PRKCB: variants seen among roughly 807,000 people sequenced by gnomAD.
The protein encoded by PRKCB is protein kinase C beta type.
PRKCB carries 13 observed loss-of-function variants against 81.5 expected under a neutral mutation model. The ratio of observed to expected loss-of-function variants is 0.16; its 90% confidence interval spans 0.10 to 0.25. The LOEUF (loss-of-function observed/expected upper bound fraction) is 0.25, where lower values mean the gene tolerates loss of function less well. Among genes scored for constraint, PRKCB ranks in the 10% least tolerant of loss-of-function variants. PRKCB has a pLI of 1.00. For missense variants in PRKCB, 509 were observed against 875.7 expected, an observed-to-expected ratio of 0.58 and a Z score of 5.29; for synonymous variants, 335 against 321.4, an observed-to-expected ratio of 1.04 and a Z score of -0.45.
intron 2 of PRKCB, among the ~76,000 whole-genome samples, chr16:23,986,337 C>G (rs1293230008): frequency 6.6e-6 from 1 of 152,030 alleles, no homozygotes; most frequent in Non-Finnish European, 1.5e-5. Flanking sequence ...CACTGCAGCC[C>G]CAACTTCCTG....
intron 3 of PRKCB, among the ~76,000 whole-genome samples, chr16:24,021,331 CTTCCTTCCTTCCTTCCTTCCTTCCTCCT>C (rs1363656375): frequency 1.2e-4 from 8 of 64,982 alleles, no homozygotes; most frequent in African/African-American, 5.3e-4. Flanking sequence ...TCCTTCCTTC[CTTCCTTCCTTCCTTCCTTCCTTCCTCCT>C]TCCCTCCCTC....
intron 7 of PRKCB, among the ~76,000 whole-genome samples, chr16:24,110,919 G>T (rs540992218): frequency 1.3e-5 from 2 of 152,256 alleles, no homozygotes; most frequent in East Asian, 1.9e-4. Flanking sequence ...AATAAAAAGT[G>T]TCCTTTAAAA....
intron 2 of PRKCB, among the ~76,000 whole-genome samples, chr16:23,969,670 GTCA>G (rs1195354750): frequency 2.0e-5 from 3 of 152,008 alleles, no homozygotes; most frequent in African/African-American, 4.8e-5. Flanking sequence ...TGCCATCATC[GTCA>G]TCATCATCAT....
At position 23,848,969 on chromosome 16, in the gene PRKCB, G is replaced by A. The variant is rs763704156; in HGVS notation, c.205+11563G>A. Among the ~76,000 whole-genome samples, 3 of 152,274 alleles carry A rather than the reference G, an allele frequency of 2.0e-5. No homozygotes were observed. In the East Asian group the frequency reaches 5.8e-4, roughly 29 times the overall value. On this transcript the variant is annotated intron_variant, in intron 2 of 16. Transcript: ENST00000643927. The stretch of plus-strand genomic sequence containing the variant: ...AATGCTCTTGAATCAAGGAGACGAC[G>A]CAAGAATGGATGTGCTTACATGTCG...
intron 2 of PRKCB, among the ~76,000 whole-genome samples, chr16:23,945,675 G>T (rs888341162): frequency 6.6e-6 from 1 of 152,066 alleles, no homozygotes; most frequent in African/African-American, 2.4e-5. Context: ...GGGAGGGAGA[G>T]AATCAGCAAT....
At chr16:23,928,939 G>A (rs138781740) in intron 2 of PRKCB, among the ~76,000 whole-genome samples, 5,134 of 151,966 alleles carry the variant, frequency 0.034, 169 homozygotes, top group Middle Eastern at 0.054. Flanking sequence ...GGCTGTTCCC[G>A]ACCTCCTGAC....
chr16:23,895,395 T>C (rs1221841968), intron 2 of PRKCB, among the ~76,000 whole-genome samples: 1 of 152,172 alleles, frequency 6.6e-6, no homozygotes, highest in African/African-American at 2.4e-5. Flanking sequence ...ATGCATTAAT[T>C]TCTGCTTTTT....
intron 2 of PRKCB, among the ~76,000 whole-genome samples, chr16:23,877,752 T>C (rs1337965995): frequency 1.3e-5 from 2 of 152,160 alleles, no homozygotes; most frequent in Non-Finnish European, 2.9e-5. Flanking sequence ...ACTTAGTATG[T>C]GTCAAAGCAG....
At chr16:23,851,331 AAG>A (rs1409314963) in intron 2 of PRKCB, among the ~76,000 whole-genome samples, 1 of 152,222 alleles carries the variant, frequency 6.6e-6, no homozygotes, top group African/African-American at 2.4e-5. Flanking sequence ...CCATTTACTG[AAG>A]AGACTGTCCT....
chr16:23,981,727 C>A (rs1420931762), intron 2 of PRKCB, among the ~76,000 whole-genome samples: 1 of 82,772 alleles, frequency 1.2e-5, no homozygotes, highest in Non-Finnish European at 2.4e-5. Context: ...CTTCCCCTTC[C>A]CTTCCCCTTC....
At chr16:23,929,983 T>C (rs1416971548) in intron 2 of PRKCB, among the ~76,000 whole-genome samples, 1 of 152,038 alleles carries the variant, frequency 6.6e-6, no homozygotes, top group East Asian at 1.9e-4. Flanking sequence ...ACATTTTATA[T>C]GTGTAAGACA....
intron 2 of PRKCB, among the ~76,000 whole-genome samples, chr16:23,903,445 C>A (rs1431746844): frequency 1.3e-5 from 2 of 151,938 alleles, no homozygotes; most frequent in Non-Finnish European, 2.9e-5. Flanking sequence ...TTCATCAGAG[C>A]ATGAACAATC....
intron 2 of PRKCB, among the ~76,000 whole-genome samples, chr16:23,859,031 T>C (rs1489124325): frequency 6.6e-6 from 1 of 152,128 alleles, no homozygotes; most frequent in Non-Finnish European, 1.5e-5. Context: ...CTTAGGAGGC[T>C]GAGGTGGGAG....
chr16:23,838,304 C>T (rs1007245980), intron 2 of PRKCB, among the ~76,000 whole-genome samples: 2 of 152,172 alleles, frequency 1.3e-5, no homozygotes, highest in Admixed American at 6.5e-5. Flanking sequence ...TGAAAACAAT[C>T]GTTTGGAGCT....
intron 2 of PRKCB, among the ~76,000 whole-genome samples, chr16:23,979,130 T>C (rs1964661273): frequency 6.6e-6 from 1 of 152,222 alleles, no homozygotes; most frequent in Non-Finnish European, 1.5e-5. Flanking sequence ...AACTCACTTA[T>C]TCCTCATAAC....
At chr16:24,165,913 G>A (rs1325061420) in intron 10 of PRKCB, among the ~76,000 whole-genome samples, 3 of 123,060 alleles carry the variant, frequency 2.4e-5, no homozygotes, top group Non-Finnish European at 4.9e-5. Flanking sequence ...TTTTGACACA[G>A]GGTCTCACTC....
At chr16:23,913,823 C>T (rs1194045338) in intron 2 of PRKCB, among the ~76,000 whole-genome samples, 5 of 152,060 alleles carry the variant, frequency 3.3e-5, no homozygotes, top group South Asian at 4.1e-4. Context: ...GTATGCTCCA[C>T]GAAAGGAATA....
intron 5 of PRKCB, among the ~76,000 whole-genome samples, chr16:24,067,682 G>A (rs1966054175): frequency 6.6e-6 from 1 of 152,096 alleles, no homozygotes; most frequent in African/African-American, 2.4e-5. Flanking sequence ...TTAGAAAGCT[G>A]TTGGACAGGT....
chr16:24,129,949 C>G (rs1250630982), intron 9 of PRKCB, among the ~76,000 whole-genome samples: 1 of 152,114 alleles, frequency 6.6e-6, no homozygotes, highest in East Asian at 1.9e-4. Context: ...CTATAACACC[C>G]ACCACCTGGA....
Sources: gnomAD v4.1 joint callset for allele counts (sites outside exome capture counted in the v4.1 genomes callset) on GRCh38, gnomAD v4.1.1 for gene constraint, MANE v1.5 for transcripts, NCBI Gene and HGNC (gene_info 2026-07-23, HGNC 2026-07-21) for gene names.